Variants in PLXNA1 observed in about 807,000 individuals in gnomAD.
PLXNA1 encodes the protein plexin-A1.
In PLXNA1, 77 loss-of-function variants were observed where a neutral mutation model predicts 191.7. The ratio of observed to expected loss-of-function variants is 0.40; its 90% CI spans 0.33 to 0.49. PLXNA1 has a LOEUF of 0.49. Among genes scored for constraint, PLXNA1 ranks in the 20% least tolerant of loss-of-function variants. The pLI, the probability that PLXNA1 is intolerant of heterozygous loss-of-function variation, is 0.63. For missense variants in PLXNA1, 2,110 were observed against 2,660.2 expected, an observed-to-expected ratio of 0.79 and a Z score of 4.55; for synonymous variants, 1,137 against 1,156.4, an observed-to-expected ratio of 0.98 and a Z score of 0.34.
intron 21 of PLXNA1, 30 bp downstream of exon 21, chr3:127,020,374 G>A (rs2079146407): frequency 1.2e-6 from 2 of 1,607,988 alleles, no homozygotes; most frequent in Non-Finnish European, 1.7e-6. Context: ...GGGGTCACAG[G>A]AACTCAGAGG....
intron 9 of PLXNA1, among the ~76,000 whole-genome samples, chr3:127,009,221 G>A (rs2079083946): frequency 6.6e-6 from 1 of 152,128 alleles, no homozygotes; most frequent in Non-Finnish European, 1.5e-5. Context: ...GCCCTGGGCA[G>A]CTTGGGATGG....
intron 8 of PLXNA1, among the ~76,000 whole-genome samples, chr3:127,006,822 G>C (rs1356404577): frequency 6.6e-6 from 1 of 152,158 alleles, no homozygotes; most frequent in Admixed American, 6.5e-5. Context: ...AGCCTCAGAG[G>C]AAGGATGGGA....
intron 9 of PLXNA1, among the ~76,000 whole-genome samples, chr3:127,010,713 T>C (rs2079090951): frequency 6.6e-6 from 1 of 152,174 alleles, no homozygotes; most frequent in African/African-American, 2.4e-5. Flanking sequence ...GGGTGGGCCA[T>C]GACTGAGACC....
In PLXNA1 at chr3:127,014,214, A is replaced by G. The variant is rs1559961142; in HGVS notation, c.2443A>G (p.Ser815Gly). 3 of 1,607,868 alleles carry G rather than the reference A, an allele frequency of 1.9e-6. No individual in the cohort carries two copies. The highest frequency in any genetic ancestry group is 2.5e-6 in the Non-Finnish European group (3 of 1,176,900). ...HLYKCPALRESCGLCLKADPR... is the reference protein window; with the variant it reads ...HLYKCPALREGCGLCLKADPR... ...CTACAAGTGCCCGGCCCTGCGCGAG[A>G]GCTGCGGCCTCTGCCTCAAGGCCGA... The change falls in exon 12 of 32, where the codon AGC becomes GGC. Residue 815 changes from serine (S) to glycine (G), a missense_variant. Ser to Gly is a moderately conservative substitution (Grantham distance 56). Around this residue, in one of 4 missense-constraint regions of PLXNA1, gnomAD observed 644 missense variants for 714.3 expected, o/e 0.90. Transcript: ENST00000393409.
intron 3 of PLXNA1, among the ~76,000 whole-genome samples, chr3:126,995,792 A>G (rs972578947): frequency 1.3e-5 from 2 of 152,216 alleles, no homozygotes; most frequent in African/African-American, 2.4e-5. Flanking sequence ...GCTCTGAGGC[A>G]TGGCCCTGGT....
intron 21 of PLXNA1, among the ~76,000 whole-genome samples, chr3:127,021,041 G>A (rs1424336837): frequency 6.6e-6 from 1 of 152,212 alleles, no homozygotes; most frequent in African/African-American, 2.4e-5. Context: ...CGGCAGGTTA[G>A]CTCAGTCACA....
Position 126,988,709 on chromosome 3 carries a change from C to G in PLXNA1, c.116C>G (p.Pro39Arg). 6.4e-7 allele frequency: 1 copy of G among 1,573,950 alleles called. No homozygotes were observed. The highest frequency in any genetic ancestry group is 8.6e-7 in the Non-Finnish European group (1 of 1,157,468). Residue 39 changes from proline to arginine, a missense_variant, in exon 2 of 32, where the codon CCC (proline) becomes CGC (arginine). Physicochemically the swap from Pro to Arg is moderately radical, Grantham distance 103. Around this residue, in one of 4 missense-constraint regions of PLXNA1, gnomAD observed 903 missense variants for 1,015.7 expected, o/e 0.89. Coordinates refer to ENST00000393409, the MANE Select transcript of PLXNA1 (RefSeq NM_032242.4). ...GLPRAGGGSQ[P>R]PFRTFSASDW... ...CCCAGGGCAGGCGGGGGTTCACAGC[C>G]CCCCTTCCGCACCTTCTCGGCCAGC...
At chr3:126,986,537 G>T (rs991245558) in intron 1 of PLXNA1, among the ~76,000 whole-genome samples, 4 of 152,204 alleles carry the variant, frequency 2.6e-5, no homozygotes, top group Non-Finnish European at 5.9e-5. Flanking sequence ...CCCAGACCTG[G>T]CTGGCCCTCC....
In PLXNA1 at chr3:127,004,678, A is replaced by C. The variant is rs1576676285; in HGVS notation, c.1586A>C (p.Asp529Ala). ...TSCELCLGSR[D>A]PHCGWCVLHS... is the part of the protein sequence containing the mutation. ...TGTGAGCTGTGTCTGGGGTCACGGG[A>C]CCCCCACTGTGGCTGGTGTGTCCTG... is the stretch of plus-strand genomic sequence containing the variant. Residue 529 changes from aspartate (D) to alanine (A), a missense_variant, in exon 5 of 32, where the codon GAC becomes GCC. By Grantham distance (126) the Asp-to-Ala change is moderately radical (BLOSUM62 -2). Coordinates refer to ENST00000393409, the MANE Select transcript of PLXNA1 (RefSeq NM_032242.4). 1 of 1,589,068 alleles carries C rather than the reference A, an allele frequency of 6.3e-7. No homozygotes were observed. The highest frequency in any genetic ancestry group is 8.6e-7 in the Non-Finnish European group (1 of 1,168,696).
chr3:126,992,164 G>T (rs1385513997), intron 3 of PLXNA1, among the ~76,000 whole-genome samples: 2 of 152,222 alleles, frequency 1.3e-5, no homozygotes, highest in African/African-American at 2.4e-5. Context: ...GGTCTTCAGG[G>T]TTCTCCTTTC....
At chr3:126,997,475 T>TG (rs1337506757) in intron 3 of PLXNA1, among the ~76,000 whole-genome samples, 2 of 152,016 alleles carry the variant, frequency 1.3e-5, no homozygotes, top group Non-Finnish European at 2.9e-5. Flanking sequence ...CTTGGTGGGA[T>TG]GGGGCAGAGC....
intron 9 of PLXNA1, among the ~76,000 whole-genome samples, chr3:127,008,508 A>G (rs2079079582): frequency 6.6e-6 from 1 of 152,208 alleles, no homozygotes; most frequent in African/African-American, 2.4e-5. Context: ...GGCGCTTAGT[A>G]GCAGGACAGG....
At chr3:126,991,007 G>A (rs1021302302) in intron 2 of PLXNA1, among the ~76,000 whole-genome samples, 1 of 152,004 alleles carries the variant, frequency 6.6e-6, no homozygotes, top group Non-Finnish European at 1.5e-5. Flanking sequence ...TTCCTCCTGA[G>A]CAGCCTGGCC....
At chr3:126,984,402 G>C (rs1480666753) in intron 1 of PLXNA1, among the ~76,000 whole-genome samples, 1 of 152,242 alleles carries the variant, frequency 6.6e-6, no homozygotes, top group Non-Finnish European at 1.5e-5. Flanking sequence ...TAGCCGGTTT[G>C]GGGGTCGGTG....
intron 1 of PLXNA1, among the ~76,000 whole-genome samples, chr3:126,984,572 G>A (rs1416684302): frequency 1.3e-5 from 2 of 152,228 alleles, no homozygotes; most frequent in African/African-American, 4.8e-5. Context: ...CCCTGCCAGA[G>A]GCAGGCATGT....
chr3:127,011,591 G>C (rs1179692419), intron 9 of PLXNA1, among the ~76,000 whole-genome samples: 3 of 152,156 alleles, frequency 2.0e-5, no homozygotes. Flanking sequence ...TTTTCTGCTG[G>C]GCTCTGGCTA....
Position 127,029,487 on chromosome 3 carries a change from C to G in PLXNA1, c.4821C>G (p.Ala1607=). 6.2e-7 allele frequency: 1 copy of G among 1,613,962 alleles called. No individual in the cohort carries two copies. Among genetic ancestry groups the G allele is most frequent in the South Asian group, 1.1e-5 (1 of 91,088 alleles). The change falls in exon 27 of 32, where the codon GCC becomes GCG. Residue 1607 remains alanine, a synonymous_variant. Coordinates refer to ENST00000393409, the MANE Select transcript of PLXNA1 (RefSeq NM_032242.4). ...SVALVPKQTS[A]YNISNSSTFT... is the part of the protein sequence containing the mutation. ...CACTGGTGCCCAAGCAGACGTCCGC[C>G]TACAACATCTCCAACTCCTCCACCT... is the stretch of plus-strand genomic sequence containing the variant.
Position 127,029,110 on chromosome 3 carries a change from C to T in PLXNA1, c.4773+14C>T. 1 of 1,605,144 alleles carries T rather than the reference C, an allele frequency of 6.2e-7. No homozygotes were observed. The highest frequency in any genetic ancestry group is 2.2e-5 in the East Asian group (1 of 44,816). The stretch of plus-strand genomic sequence containing the variant: ...GCTCACTACCAGGTGGCTCCCGGCC[C>T]TCCGACCCTAGCACAGGCCTCCCTC... On this transcript the variant is annotated intron_variant, in intron 26 of 31. Transcript: ENST00000393409.
chr3:126,996,224 C>T (rs1343285860), intron 3 of PLXNA1, among the ~76,000 whole-genome samples: 5 of 152,138 alleles, frequency 3.3e-5, no homozygotes, highest in South Asian at 2.1e-4. Flanking sequence ...CCCTGCGCAG[C>T]GTGGGAGGTG....
Sources: allele counts gnomAD v4.1 joint callset (sites outside exome capture counted in the v4.1 genomes callset), GRCh38; gene constraint gnomAD v4.1.1; regional missense constraint gnomAD v4.1.1; transcripts MANE v1.5; gene names NCBI Gene and HGNC (gene_info 2026-07-23, HGNC 2026-07-21).